KCNH7: variants seen among roughly 807,000 people sequenced by gnomAD.
KCNH7 encodes the protein potassium voltage-gated channel subfamily H member 7.
KCNH7 carries 49 observed loss-of-function variants against 120.8 expected under a neutral mutation model. The ratio of observed to expected loss-of-function variants is 0.41; its 90% confidence interval spans 0.32 to 0.51. The LOEUF (loss-of-function observed/expected upper bound fraction) is 0.51. Ranked by LOEUF, KCNH7 falls within the 20% of genes least tolerant of loss-of-function variation. The pLI, the probability that KCNH7 is intolerant of heterozygous loss-of-function variation, is 0.38. For missense variants in KCNH7, 1,097 were observed against 1,446.6 expected, an observed-to-expected ratio of 0.76 and a Z score of 3.92; for synonymous variants, 547 against 516.1, an observed-to-expected ratio of 1.06 and a Z score of -0.81.
At chr2:162,497,166 G>C (rs1203254376) in intron 6 of KCNH7, 3 of 152,110 alleles carry the variant, frequency 2.0e-5, no homozygotes, top group Non-Finnish European at 4.4e-5. Flanking sequence ...ATAAATACTT[G>C]TTTTGGATTT....
intron 2 of KCNH7, among the ~76,000 whole-genome samples, chr2:162,836,040 TAAG>T (rs1685652808): frequency 6.6e-6 from 1 of 152,160 alleles, no homozygotes; most frequent in Non-Finnish European, 1.5e-5. Flanking sequence ...CTTAATGTTG[TAAG>T]AAGGAGCAAA....
intron 4 of KCNH7, among the ~76,000 whole-genome samples, chr2:162,514,035 A>G (rs979020461): frequency 5.9e-5 from 9 of 151,826 alleles, no homozygotes; most frequent in African/African-American, 2.2e-4. Flanking sequence ...CTGTCATATC[A>G]AAACCATTCA....
chr2:162,590,446 G>T (rs1202565551), intron 2 of KCNH7, among the ~76,000 whole-genome samples: 1 of 152,088 alleles, frequency 6.6e-6, no homozygotes, highest in African/African-American at 2.4e-5. Flanking sequence ...AAAGGAATGA[G>T]ATTAAAGTGA....
chr2:162,492,756 T>G (rs796757513), intron 6 of KCNH7, among the ~76,000 whole-genome samples: 1 of 151,324 alleles, frequency 6.6e-6, no homozygotes, highest in Admixed American at 6.6e-5. Flanking sequence ...AATCAGGTAA[T>G]AAGGAATTTA....
intron 2 of KCNH7, among the ~76,000 whole-genome samples, chr2:162,793,374 T>C (rs1450675193): frequency 6.6e-6 from 1 of 151,770 alleles, no homozygotes; most frequent in Non-Finnish European, 1.5e-5. Context: ...GGTGATGAAA[T>C]AATTTGTACA....
At chr2:162,722,467 A>G (rs1429874741) in intron 2 of KCNH7, among the ~76,000 whole-genome samples, 1 of 152,130 alleles carries the variant, frequency 6.6e-6, no homozygotes. Context: ...TGAGAAATCC[A>G]CTAATAGCCT....
At chr2:162,475,664 C>T (rs546174940) in intron 6 of KCNH7, among the ~76,000 whole-genome samples, 1 of 152,246 alleles carries the variant, frequency 6.6e-6, no homozygotes, top group East Asian at 1.9e-4. Flanking sequence ...TAAATAACTG[C>T]CTTTCACTAT....
At chr2:162,586,227 A>T (rs966674237) in intron 2 of KCNH7, among the ~76,000 whole-genome samples, 20 of 152,048 alleles carry the variant, frequency 1.3e-4, no homozygotes, top group African/African-American at 4.6e-4. Context: ...CTGATCTTGC[A>T]TCTTGCTTTG....
intron 2 of KCNH7, among the ~76,000 whole-genome samples, chr2:162,702,948 C>T (rs1198779322): frequency 6.6e-6 from 1 of 152,000 alleles, no homozygotes; most frequent in African/African-American, 2.4e-5. Context: ...AAATATAGGG[C>T]TCCCCAAGTG....
chr2:162,434,705 GTA>G (rs35935156), intron 8 of KCNH7, among the ~76,000 whole-genome samples: 20,812 of 145,928 alleles, frequency 0.14, 3,658 homozygotes, highest in African/African-American at 0.41. Context: ...TATGTTGCAT[GTA>G]TATATATATA....
At chr2:162,741,556 C>T (rs1318734729) in intron 2 of KCNH7, among the ~76,000 whole-genome samples, 1 of 151,938 alleles carries the variant, frequency 6.6e-6, no homozygotes, top group African/African-American at 2.4e-5. Context: ...TACCAGCATG[C>T]TCATAAATTT....
chr2:162,817,150 A>G (rs1024171845), intron 2 of KCNH7, among the ~76,000 whole-genome samples: 2 of 152,168 alleles, frequency 1.3e-5, no homozygotes, highest in Non-Finnish European at 2.9e-5. Flanking sequence ...AGACTCAAGT[A>G]ATCAATACCC....
chr2:162,408,511 G>A (rs1418176776), intron 9 of KCNH7, among the ~76,000 whole-genome samples: 1 of 151,786 alleles, frequency 6.6e-6, no homozygotes, highest in East Asian at 1.9e-4. Flanking sequence ...TCTAACACTC[G>A]AGTCATAAAA....
intron 2 of KCNH7, among the ~76,000 whole-genome samples, chr2:162,687,584 G>A (rs1685941119): frequency 6.6e-6 from 1 of 152,040 alleles, no homozygotes; most frequent in Admixed American, 6.6e-5. Flanking sequence ...CACCTTGGTA[G>A]CTTGAGATCA....
chr2:162,522,921 A>G (rs1691580841), intron 3 of KCNH7, among the ~76,000 whole-genome samples: 1 of 151,842 alleles, frequency 6.6e-6, no homozygotes, highest in Non-Finnish European at 1.5e-5. Flanking sequence ...GATGCTGAAT[A>G]TAAATTTAGA....
intron 9 of KCNH7, among the ~76,000 whole-genome samples, chr2:162,415,889 A>G (rs1419331026): frequency 6.6e-6 from 1 of 152,026 alleles, no homozygotes; most frequent in Non-Finnish European, 1.5e-5. Flanking sequence ...CTCTGCTTTT[A>G]CTCCAAGAAT....
intron 6 of KCNH7, among the ~76,000 whole-genome samples, chr2:162,491,155 G>A (rs1690290668): frequency 6.6e-6 from 1 of 152,194 alleles, no homozygotes; most frequent in African/African-American, 2.4e-5. Flanking sequence ...ATGAACCTGT[G>A]GAGCCTTTCC....
At chr2:162,600,995 A>G (rs1267362106) in intron 2 of KCNH7, among the ~76,000 whole-genome samples, 2 of 152,210 alleles carry the variant, frequency 1.3e-5, no homozygotes, top group East Asian at 3.9e-4. Flanking sequence ...TTATCCTTGT[A>G]CTATATTATT....
chr2:162,762,211 T>G (rs1028800625), intron 2 of KCNH7, among the ~76,000 whole-genome samples: 3 of 152,042 alleles, frequency 2.0e-5, no homozygotes, highest in African/African-American at 4.8e-5. Context: ...TTTGTTTGTT[T>G]GTTTTTTTTC....
Sources: allele counts gnomAD v4.1 joint callset (sites outside exome capture counted in the v4.1 genomes callset), GRCh38; gene constraint gnomAD v4.1.1; transcripts MANE v1.5; gene names NCBI Gene and HGNC (gene_info 2026-07-23, HGNC 2026-07-21).